The following TAB2 variants were observed in gnomAD, a reference collection of about 807,000 sequenced individuals.
TAB2 encodes the protein TGF-beta-activated kinase 1 and MAP3K7-binding protein 2.
TAB2 carries 3 observed loss-of-function variants against 65.0 expected under a neutral mutation model. The ratio of observed to expected loss-of-function variants is 0.05; its 90% CI spans 0.02 to 0.12. The LOEUF (loss-of-function observed/expected upper bound fraction) is 0.12. Ranked by LOEUF, TAB2 falls within the 10% of genes least tolerant of loss-of-function variation. TAB2 has a pLI of 1.00. For missense variants in TAB2, 623 were observed against 840.3 expected, an observed-to-expected ratio of 0.74 and a Z score of 3.20; for synonymous variants, 298 against 285.1, an observed-to-expected ratio of 1.05 and a Z score of -0.46.
chr6:149,406,573 G>GTTTTATTGCAGGAA (rs1442085163), intron 6 of TAB2, among the ~76,000 whole-genome samples: 7 of 152,108 alleles, frequency 4.6e-5, no homozygotes, highest in Admixed American at 1.3e-4. Flanking sequence ...TGTCAATAAA[G>GTTTTATTGCAGGAA]TTTTATTGCA....
chr6:149,382,654 C>G (rs1424220821), intron 3 of TAB2, among the ~76,000 whole-genome samples: 2 of 151,946 alleles, frequency 1.3e-5, no homozygotes, highest in East Asian at 1.9e-4. Flanking sequence ...TAACCACTAT[C>G]ATATAATGTC....
At chr6:149,342,371 G>C (rs976664258) in intron 1 of TAB2, among the ~76,000 whole-genome samples, 2 of 152,076 alleles carry the variant, frequency 1.3e-5, no homozygotes, top group Non-Finnish European at 2.9e-5. Flanking sequence ...TTCTCTTTCT[G>C]TTAGAGTTAC....
At chr6:149,288,824 G>C (rs4895783) in intron 1 of TAB2, among the ~76,000 whole-genome samples, 1 of 150,438 alleles carries the variant, frequency 6.6e-6, no homozygotes, top group African/African-American at 2.5e-5. Context: ...CCCTCAACAC[G>C]AGGACCAGAG....
chr6:149,320,702 G>A (rs981440597), intron 1 of TAB2, among the ~76,000 whole-genome samples: 1 of 151,976 alleles, frequency 6.6e-6, no homozygotes, highest in Non-Finnish European at 1.5e-5. Flanking sequence ...AACAGATCAA[G>A]ACTAAAAGTT....
chr6:149,241,815 T>G (rs1449378635), intron 1 of TAB2, among the ~76,000 whole-genome samples: 1 of 152,214 alleles, frequency 6.6e-6, no homozygotes, highest in Non-Finnish European at 1.5e-5. Context: ...TAAGGATGGC[T>G]TCTCTGAACA....
At chr6:149,253,123 G>C (rs912144801) in intron 1 of TAB2, 1 of 152,242 alleles carries the variant, frequency 6.6e-6, no homozygotes, top group Non-Finnish European at 1.5e-5. Context: ...AGCCTGGCTG[G>C]TTCGTGTAAG....
upstream of TAB2, among the ~76,000 whole-genome samples, chr6:149,317,070 C>A (rs1779273583): frequency 6.7e-6 from 1 of 150,340 alleles, no homozygotes; most frequent in South Asian, 2.1e-4. This position sits in a 1 kb window ranked among gnomAD's most constrained non-coding sequence, Gnocchi z 4.7. Context: ...CCCACCCGCG[C>A]GGCGCCGCCG....
chr6:149,368,811 TA>T (rs1781125858), intron 1 of TAB2, among the ~76,000 whole-genome samples: 1 of 152,152 alleles, frequency 6.6e-6, no homozygotes, highest in African/African-American at 2.4e-5. Flanking sequence ...CAAGTGATGA[TA>T]AAAAACTAAA....
chr6:149,336,279 A>T (rs1470237738), intron 1 of TAB2, among the ~76,000 whole-genome samples: 1 of 152,166 alleles, frequency 6.6e-6, no homozygotes, highest in Non-Finnish European at 1.5e-5. Context: ...TCTTAATTAA[A>T]TAGGAGTATC....
chr6:149,320,252 C>G (rs575124800), intron 1 of TAB2, among the ~76,000 whole-genome samples: 2 of 152,104 alleles, frequency 1.3e-5, no homozygotes, highest in African/African-American at 4.8e-5. Context: ...AATTTTTGTA[C>G]TTTTAGTAGA....
chr6:149,268,925 G>A (rs1778312703), intron 1 of TAB2, among the ~76,000 whole-genome samples: 1 of 152,084 alleles, frequency 6.6e-6, no homozygotes, highest in South Asian at 2.1e-4. Context: ...ACTTTTCAAA[G>A]TGACCTAGTG....
chr6:149,274,232 G>T (rs541972510), intron 1 of TAB2, among the ~76,000 whole-genome samples: 2 of 152,174 alleles, frequency 1.3e-5, no homozygotes, highest in South Asian at 2.1e-4. Context: ...TCACCCAAAG[G>T]CCTCACAGGA....
intron 2 of TAB2, among the ~76,000 whole-genome samples, chr6:149,377,305 C>T (rs867376879): frequency 2.6e-5 from 4 of 151,478 alleles, no homozygotes; most frequent in African/African-American, 9.7e-5. Flanking sequence ...GTGATCCACC[C>T]GCCTCGGCCT....
Position 149,227,386 on chromosome 6 carries a change from T to A in TAB2, c.-121+8610T>A, listed in dbSNP as rs542038018. Among the ~76,000 whole-genome samples, 3 of 152,074 alleles carry A rather than the reference T, an allele frequency of 2.0e-5. No homozygotes were observed. In the South Asian group the frequency reaches 6.2e-4, roughly 32 times the overall value. On this transcript the variant is annotated intron_variant, in intron 1 of 1. Transcript: ENST00000606202. The stretch of plus-strand genomic sequence containing the variant: ...ATGAGTCAAGATTGCTTGTGAAAAA[T>A]CTGACCCCTTGATGTCCCAGACATA...
chr6:149,326,207 A>G (rs1368631895), intron 1 of TAB2, among the ~76,000 whole-genome samples: 1 of 151,490 alleles, frequency 6.6e-6, no homozygotes, highest in Non-Finnish European at 1.5e-5. Flanking sequence ...CAACAGTTAC[A>G]CTGGTTTACT....
intron 1 of TAB2, among the ~76,000 whole-genome samples, chr6:149,309,191 T>C (rs1295337338): frequency 6.6e-6 from 1 of 152,214 alleles, no homozygotes; most frequent in African/African-American, 2.4e-5. Flanking sequence ...TTAAGTCATA[T>C]ACTTCACATA....
intron 1 of TAB2, among the ~76,000 whole-genome samples, chr6:149,305,541 G>A (rs73609078): frequency 0.032 from 4,788 of 151,570 alleles, 244 homozygotes; most frequent in African/African-American, 0.11. Flanking sequence ...GTTAATAGAC[G>A]AGTTGTTAGA....
At chr6:149,272,106 G>A (rs1431206034) in intron 1 of TAB2, among the ~76,000 whole-genome samples, 2 of 151,938 alleles carry the variant, frequency 1.3e-5, no homozygotes, top group Non-Finnish European at 2.9e-5. Context: ...CCCACCCTAG[G>A]AGAAAGGGAA....
At chr6:149,398,795 AT>A (rs34695549) in intron 5 of TAB2, among the ~76,000 whole-genome samples, 2,497 of 152,164 alleles carry the variant, frequency 0.016, 77 homozygotes, top group African/African-American at 0.057. Flanking sequence ...AAATTGTGAA[AT>A]TTTAAGTTAT....
Sources: gnomAD v4.1 joint callset for allele counts (sites outside exome capture counted in the v4.1 genomes callset) on GRCh38, gnomAD v4.1.1 for gene constraint, Gnocchi (gnomAD v3.1) non-coding constraint, MANE v1.5 for transcripts, NCBI Gene and HGNC (gene_info 2026-07-23, HGNC 2026-07-21) for gene names.